Variants in ACER3 observed in about 807,000 individuals in gnomAD.
ACER3 encodes alkaline ceramidase 3, also known as alkCDase 3.
Under a neutral mutation model 48.9 loss-of-function variants are expected in ACER3, and 16 were observed. That is an observed-to-expected ratio of 0.33 (90% CI 0.22 to 0.50). The LOEUF (loss-of-function observed/expected upper bound fraction) is 0.50, where lower values mean the gene tolerates loss of function less well. Ranked by LOEUF, ACER3 falls within the 20% of genes least tolerant of loss-of-function variation. ACER3 has a pLI of 0.98. For missense variants in ACER3, 227 were observed against 326.0 expected (o/e 0.70, Z 2.34); for synonymous variants, 109 against 107.8 (o/e 1.01, Z -0.07).
chr11:76,973,013 A>C (rs1267545847), intron 3 of ACER3, among the ~76,000 whole-genome samples: 1 of 152,196 alleles, frequency 6.6e-6, no homozygotes, highest in Non-Finnish European at 1.5e-5. Context: ...TGCATCCCAA[A>C]TGTTCCTTTG....
At chr11:76,952,965 C>T (rs1947725134) in intron 2 of ACER3, among the ~76,000 whole-genome samples, 1 of 152,072 alleles carries the variant, frequency 6.6e-6, no homozygotes, top group Non-Finnish European at 1.5e-5. Flanking sequence ...CGCACCCAGC[C>T]ATGAAGTTGC....
intron 2 of ACER3, among the ~76,000 whole-genome samples, chr11:76,946,505 C>G (rs911767442): frequency 6.6e-6 from 1 of 152,184 alleles, no homozygotes; most frequent in African/African-American, 2.4e-5. Flanking sequence ...GAGGGTGGAG[C>G]ACAGCCCAGC....
chr11:77,003,586 C>G (rs576770886), intron 7 of ACER3, among the ~76,000 whole-genome samples: 1 of 151,814 alleles, frequency 6.6e-6, no homozygotes, highest in Non-Finnish European at 1.5e-5. Context: ...CTTCCTTTTG[C>G]TTGTTGTGGG....
chr11:76,905,857 G>A (rs1272078542), intron 1 of ACER3, among the ~76,000 whole-genome samples: 1 of 152,114 alleles, frequency 6.6e-6, no homozygotes, highest in African/African-American at 2.4e-5. Context: ...AGAAAACAAA[G>A]CAAAACTATG....
intron 3 of ACER3, among the ~76,000 whole-genome samples, chr11:76,961,222 GA>G (rs1357723069): frequency 6.6e-6 from 1 of 152,134 alleles, no homozygotes; most frequent in East Asian, 1.9e-4. Flanking sequence ...CGCAAATACG[GA>G]AAAGATGAAA....
intron 4 of ACER3, among the ~76,000 whole-genome samples, chr11:76,980,514 A>C (rs759680229): frequency 2.9e-4 from 44 of 151,986 alleles, no homozygotes; most frequent in Non-Finnish European, 4.9e-4. Flanking sequence ...CTGTCACTAC[A>C]AAAAAATTAA....
chr11:76,904,734 G>A (rs1946174374), intron 1 of ACER3, among the ~76,000 whole-genome samples: 1 of 152,168 alleles, frequency 6.6e-6, no homozygotes, highest in Admixed American at 6.5e-5. Context: ...TAGACTCCAT[G>A]GTACCACCTC....
At position 76,998,796 on chromosome 11, in the gene ACER3, C is replaced by T. The variant is rs1555019166; in HGVS notation, c.472C>T (p.Leu158Phe). The T allele has an allele frequency of 6.3e-7, 1 of 1,597,278 alleles. No homozygotes were observed. Among genetic ancestry groups the T allele is most frequent in the Non-Finnish European group, 8.5e-7 (1 of 1,173,680 alleles). Residue 158 changes from leucine (L) to phenylalanine (F), a missense_variant, in exon 7 of 11, where the codon CTT becomes TTT. By Grantham distance (22) the Leu-to-Phe change is conservative. Coordinates refer to ENST00000532485, the MANE Select transcript of ACER3 (RefSeq NM_018367.7). ...TGGAATGTTGGTCTTTACATTAGTACTTCGATCTATTTATATTGTTACATG... is the reference window on the plus strand; with the variant it reads ...TGGAATGTTGGTCTTTACATTAGTATTTCGATCTATTTATATTGTTACATG... ...MYGMLVFTLV[L>F]RSIYIVTWVY... is the part of the protein sequence containing the mutation.
At chr11:76,934,211 G>T in intron 2 of ACER3, among the ~76,000 whole-genome samples, 1 of 151,680 alleles carries the variant, frequency 6.6e-6, no homozygotes, top group Non-Finnish European at 1.5e-5. Flanking sequence ...AGACTGGGCA[G>T]CCAGGCAGAG....
At chr11:76,970,554 A>G (rs1330041224) in intron 3 of ACER3, among the ~76,000 whole-genome samples, 2 of 152,142 alleles carry the variant, frequency 1.3e-5, no homozygotes, top group African/African-American at 2.4e-5. Context: ...GTGTGTGTTC[A>G]TATTTGTATT....
intron 1 of ACER3, among the ~76,000 whole-genome samples, chr11:76,884,181 CAA>C (rs1565158186): frequency 6.6e-6 from 1 of 152,136 alleles, no homozygotes; most frequent in Admixed American, 6.5e-5. Flanking sequence ...GCGGTAGACT[CAA>C]AGATTCCTTG....
intron 1 of ACER3, among the ~76,000 whole-genome samples, chr11:76,915,796 A>G (rs543036638): frequency 4.6e-5 from 7 of 152,354 alleles, no homozygotes; most frequent in African/African-American, 1.7e-4. Flanking sequence ...TTCACATGGC[A>G]GCAGGAGAGT....
intron 2 of ACER3, among the ~76,000 whole-genome samples, chr11:76,929,330 G>A (rs1412784088): frequency 6.6e-6 from 1 of 152,206 alleles, no homozygotes; most frequent in African/African-American, 2.4e-5. Flanking sequence ...AGACTTTGCT[G>A]AAGTTGCTTA....
chr11:76,934,147 G>T (rs1322673864), intron 2 of ACER3, among the ~76,000 whole-genome samples: 1 of 150,930 alleles, frequency 6.6e-6, no homozygotes, highest in South Asian at 2.1e-4. Flanking sequence ...GGGCAGAGAC[G>T]CTCCTCACTT....
intron 1 of ACER3, among the ~76,000 whole-genome samples, chr11:76,878,489 G>T (rs528771075): frequency 5.3e-5 from 8 of 152,092 alleles, no homozygotes; most frequent in African/African-American, 1.9e-4. Context: ...TGAGAAATGA[G>T]ATTTTTCTAT....
intron 2 of ACER3, among the ~76,000 whole-genome samples, chr11:76,947,541 T>C (rs1337536253): frequency 2.6e-5 from 4 of 152,238 alleles, no homozygotes; most frequent in Non-Finnish European, 5.9e-5. Flanking sequence ...GACTTTTAAA[T>C]TGTAGCAATT....
Position 76,953,350 on chromosome 11 carries a change from G to A in ACER3, c.215-5629G>A, listed in dbSNP as rs554412723. 2.0e-5 allele frequency among the ~76,000 whole-genome samples: 3 copies of A among 152,268 alleles called. No individual in the cohort carries two copies. The East Asian group carries it at 5.8e-4, about 29-fold the overall frequency. On this transcript the variant is annotated intron_variant, in intron 2 of 10. Transcript: ENST00000532485. The stretch of plus-strand genomic sequence containing the variant: ...GCGGTGGCTTACACCTGTAATCCCA[G>A]CGCTTTGGGAGGCCGAGGTGGGTGG...
At chr11:76,958,091 C>T (rs1357024068) in intron 2 of ACER3, among the ~76,000 whole-genome samples, 4 of 151,748 alleles carry the variant, frequency 2.6e-5, no homozygotes, top group African/African-American at 9.7e-5. Context: ...CCACTGTGCC[C>T]TGCCTACAGA....
chr11:76,893,659 C>CAG (rs763817993), intron 1 of ACER3, among the ~76,000 whole-genome samples: 1 of 151,778 alleles, frequency 6.6e-6, no homozygotes, highest in Non-Finnish European at 1.5e-5. Flanking sequence ...TCTCAAAAAA[C>CAG]AGAGAGAGAG....
Sources: gnomAD v4.1 joint callset for allele counts (sites outside exome capture counted in the v4.1 genomes callset) on GRCh38, gnomAD v4.1.1 for gene constraint, MANE v1.5 for transcripts, NCBI Gene and HGNC (gene_info 2026-07-23, HGNC 2026-07-21) for gene names.